TMEM51: variants seen among roughly 807,000 people sequenced by gnomAD.
The protein encoded by TMEM51 is chromosome 1 open reading frame 72.
Under a neutral mutation model 13.6 loss-of-function variants are expected in TMEM51, and 8 were observed. The observed-to-expected ratio is 0.59, with a 90% confidence interval of 0.35 to 1.07. The LOEUF is 1.07. Among genes scored for constraint, TMEM51 ranks in the 50% least tolerant of loss-of-function variants. TMEM51 has a pLI of 0.02. For missense variants in TMEM51, 279 were observed against 330.7 expected (o/e 0.84, Z 1.21); for synonymous variants, 147 against 144.4 (o/e 1.02, Z -0.13).
At chr1:15,202,250 T>C (rs1392338383) in intron 1 of TMEM51, among the ~76,000 whole-genome samples, 1 of 152,066 alleles carries the variant, frequency 6.6e-6, no homozygotes, top group Non-Finnish European at 1.5e-5. Context: ...AAGCGATTGG[T>C]TTTATCAGGA....
At chr1:15,197,824 C>A (rs1372387405) in intron 1 of TMEM51, among the ~76,000 whole-genome samples, 3 of 152,078 alleles carry the variant, frequency 2.0e-5, no homozygotes, top group Non-Finnish European at 2.9e-5. Context: ...GTGTCTGTCA[C>A]CAGGGCCCTC....
chr1:15,209,366 G>T (rs577665964), intron 1 of TMEM51, among the ~76,000 whole-genome samples: 1 of 152,060 alleles, frequency 6.6e-6, no homozygotes, highest in Non-Finnish European at 1.5e-5. Context: ...CAAAGTGCTG[G>T]CATTACAGGT....
intron 1 of TMEM51, among the ~76,000 whole-genome samples, chr1:15,209,387 G>T (rs1644301907): frequency 6.6e-6 from 1 of 152,094 alleles, no homozygotes; most frequent in African/African-American, 2.4e-5. Flanking sequence ...GTGAGCTACT[G>T]TGCCTGGCCA....
intron 1 of TMEM51, among the ~76,000 whole-genome samples, chr1:15,156,669 G>A: frequency 6.6e-6 from 1 of 152,178 alleles, no homozygotes; most frequent in East Asian, 1.9e-4. Flanking sequence ...GGAGGGAAAA[G>A]GAAGGTCCTA....
chr1:15,159,710 C>T (rs528322754), intron 1 of TMEM51, among the ~76,000 whole-genome samples: 1 of 152,218 alleles, frequency 6.6e-6, no homozygotes, highest in African/African-American at 2.4e-5. Flanking sequence ...GCATGCGCCA[C>T]CACACCCAGC....
At chr1:15,212,135 CTG>C (rs1644350736) in intron 2 of TMEM51, among the ~76,000 whole-genome samples, 2 of 152,232 alleles carry the variant, frequency 1.3e-5, no homozygotes, top group South Asian at 4.1e-4. Context: ...GATGATATCT[CTG>C]TACATAATTC....
chr1:15,165,821 T>C (rs1052727427), intron 1 of TMEM51, among the ~76,000 whole-genome samples: 5 of 152,110 alleles, frequency 3.3e-5, no homozygotes, highest in Non-Finnish European at 7.4e-5. Context: ...ATACGAAAGA[T>C]TGTTCATTGT....
chr1:15,193,512 G>A (rs563918612), intron 1 of TMEM51, among the ~76,000 whole-genome samples: 118 of 152,058 alleles, frequency 7.8e-4, no homozygotes, highest in African/African-American at 2.7e-3. Context: ...GTCCTGTGCC[G>A]GACCTGGACT....
intron 1 of TMEM51, among the ~76,000 whole-genome samples, chr1:15,186,807 G>T (rs1643790662): frequency 9.5e-6 from 1 of 105,442 alleles, no homozygotes; most frequent in African/African-American, 3.1e-5. Flanking sequence ...TGGAGAGAGG[G>T]CAGGCCAGGG....
At chr1:15,216,268 A>T (rs901391630) in intron 3 of TMEM51, among the ~76,000 whole-genome samples, 1 of 152,304 alleles carries the variant, frequency 6.6e-6, no homozygotes, top group South Asian at 2.1e-4. Flanking sequence ...AATTTAAAAG[A>T]TAAGTGATAC....
At chr1:15,160,551 G>A (rs1053531399) in intron 1 of TMEM51, among the ~76,000 whole-genome samples, 1 of 152,024 alleles carries the variant, frequency 6.6e-6, no homozygotes, top group African/African-American at 2.4e-5. Context: ...TAGGATTACA[G>A]GCGTGAGCCA....
chr1:15,205,864 A>G lies in TMEM51; in HGVS notation c.-266-4626A>G, dbSNP rs1310070466. On this transcript the variant is annotated intron_variant, in intron 1 of 3. Transcript: ENST00000376008. Reference sequence around the variant, plus strand: ...TGGATTGTAAAAGTCTGTCTCATGTATCTCGGTATCCCCCAAAGCTCCTGG... The same window carrying G: ...TGGATTGTAAAAGTCTGTCTCATGTGTCTCGGTATCCCCCAAAGCTCCTGG... Among the ~76,000 whole-genome samples, 3 of 152,122 alleles carry G rather than the reference A, an allele frequency of 2.0e-5. No homozygotes were observed. In the South Asian group the frequency reaches 6.2e-4, roughly 32 times the overall value.
chr1:15,212,999 A>G (rs975271361), intron 2 of TMEM51, among the ~76,000 whole-genome samples: 18 of 152,364 alleles, frequency 1.2e-4, no homozygotes, highest in African/African-American at 3.6e-4. Flanking sequence ...TTCAGGCCCA[A>G]TTAGGCCAGT....
chr1:15,185,080 C>T (rs1403755603), intron 1 of TMEM51, among the ~76,000 whole-genome samples: 1 of 152,052 alleles, frequency 6.6e-6, no homozygotes, highest in African/African-American at 2.4e-5. Context: ...CTACTGTTCC[C>T]AGTGTGCTTG....
intron 2 of TMEM51, among the ~76,000 whole-genome samples, chr1:15,212,384 G>A (rs528378451): frequency 2.9e-4 from 44 of 152,110 alleles, no homozygotes; most frequent in Non-Finnish European, 5.3e-4. Flanking sequence ...TCTTTCTCTC[G>A]TGCAGCATAA....
chr1:15,167,326 C>CCAAAAAA (rs1557833411), intron 1 of TMEM51, among the ~76,000 whole-genome samples: 1 of 69,450 alleles, frequency 1.4e-5, no homozygotes, highest in East Asian at 4.6e-4. Flanking sequence ...GACTCCATCT[C>CCAAAAAA]AAAAAAAAAA....
At chr1:15,193,379 C>A (rs1343420794) in intron 1 of TMEM51, among the ~76,000 whole-genome samples, 1 of 152,134 alleles carries the variant, frequency 6.6e-6, no homozygotes, top group African/African-American at 2.4e-5. Context: ...CTTGAGATCA[C>A]AGGCTGGCAC....
chr1:15,210,180 TA>T (rs1644316663), intron 1 of TMEM51, among the ~76,000 whole-genome samples: 1 of 152,198 alleles, frequency 6.6e-6, no homozygotes, highest in African/African-American at 2.4e-5. Flanking sequence ...TGTCAAGGTA[TA>T]TACATTCCTT....
At chr1:15,212,831 A>C (rs1644363821) in intron 2 of TMEM51, among the ~76,000 whole-genome samples, 1 of 152,240 alleles carries the variant, frequency 6.6e-6, no homozygotes, top group East Asian at 1.9e-4. Flanking sequence ...GCATATGTAC[A>C]TAGGTGCTCG....
Sources: gnomAD v4.1 joint callset for allele counts (sites outside exome capture counted in the v4.1 genomes callset) on GRCh38, gnomAD v4.1.1 for gene constraint, MANE v1.5 for transcripts, NCBI Gene and HGNC (gene_info 2026-07-23, HGNC 2026-07-21) for gene names.